Variants in ARHGEF3 observed in about 807,000 individuals in gnomAD.
ARHGEF3 encodes the protein Rho guanine nucleotide exchange factor 3.
Under a neutral mutation model 63.2 loss-of-function variants are expected in ARHGEF3, and 28 were observed. That is an observed-to-expected ratio of 0.44 (90% CI 0.33 to 0.61). The LOEUF is 0.61. Ranked by LOEUF, ARHGEF3 falls within the 20% of genes least tolerant of loss-of-function variation. The pLI, the probability that ARHGEF3 is intolerant of heterozygous loss-of-function variation, is 0.03. For missense variants in ARHGEF3, 533 were observed against 659.3 expected (o/e 0.81, Z 2.10); for synonymous variants, 266 against 254.2 (o/e 1.05, Z -0.44).
At chr3:56,760,760 A>G (rs2035371145) in intron 2 of ARHGEF3, among the ~76,000 whole-genome samples, 1 of 152,188 alleles carries the variant, frequency 6.6e-6, no homozygotes, top group South Asian at 2.1e-4. Context: ...GGAAGTTTCA[A>G]TGAGATGGGA....
At chr3:56,963,015 C>A (rs149514564) in intron 2 of ARHGEF3, among the ~76,000 whole-genome samples, 74 of 152,000 alleles carry the variant, frequency 4.9e-4, no homozygotes, top group African/African-American at 1.6e-3. Context: ...CTGCTGTCTG[C>A]GCACTGTGTG....
intron 1 of ARHGEF3, among the ~76,000 whole-genome samples, chr3:57,070,615 G>A (rs192283220): frequency 1.3e-5 from 2 of 152,090 alleles, no homozygotes; most frequent in Non-Finnish European, 2.9e-5. Flanking sequence ...AAACTAACAA[G>A]CTGATCCTAA....
intron 3 of ARHGEF3, among the ~76,000 whole-genome samples, chr3:56,954,872 A>G (rs1378376336): frequency 6.6e-6 from 1 of 152,204 alleles, no homozygotes; most frequent in East Asian, 1.9e-4. Context: ...GCAACTCCTA[A>G]TGTCTGAGGA....
chr3:56,968,084 T>A (rs1308294404), intron 2 of ARHGEF3, among the ~76,000 whole-genome samples: 5 of 55,070 alleles, frequency 9.1e-5, no homozygotes, highest in South Asian at 1.1e-3. Context: ...TATTATATAT[T>A]TATTATACAT....
chr3:56,858,703 G>C (rs964585578), intron 4 of ARHGEF3, among the ~76,000 whole-genome samples: 2 of 152,188 alleles, frequency 1.3e-5, no homozygotes, highest in Non-Finnish European at 2.9e-5. Context: ...AACAAGGTGG[G>C]AGTCATATCT....
Position 56,967,083 on chromosome 3 carries a change from G to A in ARHGEF3, c.63-8194C>T, listed in dbSNP as rs188750357. Among the ~76,000 whole-genome samples, 746 of 147,822 alleles carry A rather than the reference G, an allele frequency of 5.0e-3. 12 individuals are homozygous for A. Among genetic ancestry groups the A allele is most frequent in the African/African-American group, 0.017 (696 of 40,486 alleles). On this transcript the variant is annotated intron_variant, in intron 2 of 12. Transcript: ENST00000338458. ...TCTCCATGTTGGTCAGGTTGGTCTC[G>A]AACTCCCGACCTCAAGTGATCTGCC...
At chr3:56,867,221 A>G (rs2040279306) in intron 4 of ARHGEF3, among the ~76,000 whole-genome samples, 1 of 152,212 alleles carries the variant, frequency 6.6e-6, no homozygotes, top group South Asian at 2.1e-4. Flanking sequence ...TAACATATGA[A>G]CAACCAAGTA....
chr3:56,934,377 C>A (rs1025508432), intron 3 of ARHGEF3, among the ~76,000 whole-genome samples: 1 of 152,240 alleles, frequency 6.6e-6, no homozygotes, highest in African/African-American at 2.4e-5. Flanking sequence ...ATTTGAGGAG[C>A]CCTTCAGCCC....
chr3:56,943,157 G>A (rs1699273183), intron 3 of ARHGEF3, among the ~76,000 whole-genome samples: 1 of 123,084 alleles, frequency 8.1e-6, no homozygotes, highest in African/African-American at 2.5e-5. Context: ...CCTTATCTTG[G>A]AAGAAGATGC....
chr3:56,802,182 G>C (rs556046448), upstream of ARHGEF3, among the ~76,000 whole-genome samples: 141 of 152,322 alleles, frequency 9.3e-4, 1 homozygote, highest in South Asian at 0.024. Context: ...CCGCGATTGC[G>C]GGGCAGGCAG....
intron 3 of ARHGEF3, among the ~76,000 whole-genome samples, chr3:56,931,790 G>C (rs928260639): frequency 6.6e-6 from 1 of 152,090 alleles, no homozygotes; most frequent in Non-Finnish European, 1.5e-5. Flanking sequence ...CCAACACAGA[G>C]AGGCACCACC....
chr3:57,067,807 G>A (rs1352349107), intron 1 of ARHGEF3, among the ~76,000 whole-genome samples: 1 of 145,094 alleles, frequency 6.9e-6, no homozygotes, highest in Admixed American at 7.1e-5. Flanking sequence ...GTGAAACCCC[G>A]TCTCTACTAA....
At chr3:57,032,701 A>T (rs1395903011) in intron 2 of ARHGEF3, among the ~76,000 whole-genome samples, 1 of 152,222 alleles carries the variant, frequency 6.6e-6, no homozygotes, top group Non-Finnish European at 1.5e-5. Context: ...AACTGTTGCC[A>T]ATGCTGATGG....
chr3:56,727,500 A>G lies in ARHGEF3; in HGVS notation c.*1770T>C, dbSNP rs557303696. Reference sequence around the variant, plus strand: ...ACAAAAACATTCATTTCATCAAAACATTCATTGACCACCTTCCCATAGGCC... The same window carrying G: ...ACAAAAACATTCATTTCATCAAAACGTTCATTGACCACCTTCCCATAGGCC... On this transcript the variant is annotated 3_prime_UTR_variant, in exon 10 of 10. Transcript: ENST00000296315. 1.3e-5 allele frequency: 2 copies of G among 152,780 alleles called. No homozygotes were observed. The highest frequency in any genetic ancestry group is 3.9e-4 in the East Asian group (2 of 5,184). The allele number at this position is 152,780 out of a possible 1,614,324, so 9.5% of individuals were successfully genotyped here. A position where few individuals can be genotyped will look rare whatever the true frequency, so the allele number is the denominator to read the frequency against.
Position 56,732,044 on chromosome 3 carries a change from C to T in ARHGEF3, c.1228+194G>A, listed in dbSNP as rs2033202433. On this transcript the variant is annotated intron_variant, in intron 9 of 9. Transcript: ENST00000296315. The stretch of plus-strand genomic sequence containing the variant: ...CAATCTTATGAAGGAGGTACCTATG[C>T]ATTTCCATTTTGGAGATGAGAAACT... The T allele has an allele frequency of 6.2e-6, 4 of 649,574 alleles. No homozygotes were observed. In the South Asian group the frequency reaches 7.7e-5, roughly 13 times the overall value. 40.2% of individuals were successfully genotyped at this position (649,574 alleles called of 1,614,324 possible). A position where few individuals can be genotyped will look rare whatever the true frequency, so the allele number is the denominator to read the frequency against.
chr3:56,977,204 G>T, intron 2 of ARHGEF3: 1 of 455,602 alleles, frequency 2.2e-6, no homozygotes, highest in Non-Finnish European at 4.4e-6. Context: ...GATTTTTCTG[G>T]CTGCCTAATC....
intron 1 of ARHGEF3, among the ~76,000 whole-genome samples, chr3:57,036,277 CTG>C (rs1185189815): frequency 6.6e-6 from 1 of 152,142 alleles, no homozygotes. Flanking sequence ...CAAGTATGAG[CTG>C]TGAGTTTCAT....
chr3:56,873,464 C>T (rs899871476), intron 4 of ARHGEF3, among the ~76,000 whole-genome samples: 1 of 152,114 alleles, frequency 6.6e-6, no homozygotes, highest in East Asian at 1.9e-4. Context: ...TTAGCTCCCA[C>T]TTATAAGGGA....
At chr3:56,773,898 A>C (rs910863865) in intron 1 of ARHGEF3, 82 bp from the exon 2 acceptor site, 2 of 1,143,796 alleles carry the variant, frequency 1.7e-6, no homozygotes, top group African/African-American at 3.1e-5. Flanking sequence ...ACTGTGTTCC[A>C]CTCCACAAGG....
Sources: gnomAD v4.1 joint callset for allele counts (sites outside exome capture counted in the v4.1 genomes callset) on GRCh38, gnomAD v4.1.1 for gene constraint, MANE v1.5 for transcripts, NCBI Gene and HGNC (gene_info 2026-07-23, HGNC 2026-07-21) for gene names.